LDLRAD4: variants seen among roughly 807,000 people sequenced by gnomAD.
LDLRAD4 encodes low density lipoprotein receptor class A domain containing 4, also known as low-density lipoprotein receptor class A domain-containing protein 4.
In LDLRAD4, 5 loss-of-function variants were observed where a neutral mutation model predicts 17.0. The ratio of observed to expected loss-of-function variants is 0.29; its 90% confidence interval spans 0.15 to 0.62. The LOEUF (loss-of-function observed/expected upper bound fraction) is 0.62. Ranked by LOEUF, LDLRAD4 falls within the 20% of genes least tolerant of loss-of-function variation. LDLRAD4 has a pLI of 0.84. For synonymous variants in LDLRAD4, 168 were observed against 171.8 expected, an observed-to-expected ratio of 0.98 and a Z score of 0.17; for missense variants, 340 against 424.7, an observed-to-expected ratio of 0.80 and a Z score of 1.75.
intron 3 of LDLRAD4, among the ~76,000 whole-genome samples, chr18:13,448,781 C>T (rs1360999777): frequency 6.6e-6 from 1 of 152,050 alleles, no homozygotes. Context: ...CAAAAGGGTA[C>T]TACGGTGAAA....
At chr18:13,427,971 TATTC>T (rs2090070652) in intron 2 of LDLRAD4, among the ~76,000 whole-genome samples, 1 of 152,226 alleles carries the variant, frequency 6.6e-6, no homozygotes, top group Non-Finnish European at 1.5e-5. Flanking sequence ...CTTTTACATC[TATTC>T]ATTGATTTCT....
At chr18:13,256,684 A>G (rs954614772) in intron 1 of LDLRAD4, among the ~76,000 whole-genome samples, 1 of 152,218 alleles carries the variant, frequency 6.6e-6, no homozygotes, top group African/African-American at 2.4e-5. Flanking sequence ...CTGGCACCCC[A>G]TGGATGTTTC....
Position 13,645,555 on chromosome 18 carries a change from C to T in LDLRAD4, c.819C>T (p.Ser273=). Reference sequence around the variant, plus strand: ...CCTCTTTCCTCCATCACCAGCGCAGCAACGCACACAGGGGCAGCAGACTGC... The same window carrying T: ...CCTCTTTCCTCCATCACCAGCGCAGTAACGCACACAGGGGCAGCAGACTGC... Residue 273 remains serine (S), a synonymous_variant, in exon 6 of 6, where the codon AGC becomes AGT. Transcript: ENST00000359446. The surrounding 1 kb of genome is among the most constrained non-coding windows in gnomAD (Gnocchi z 5.7). 6.2e-7 allele frequency: 1 copy of T among 1,609,478 alleles called. No individual in the cohort carries two copies. Among genetic ancestry groups the T allele is most frequent in the Non-Finnish European group, 8.5e-7 (1 of 1,177,846 alleles).
chr18:13,336,734 A>G (rs1020825855), intron 1 of LDLRAD4, among the ~76,000 whole-genome samples: 41 of 149,222 alleles, frequency 2.7e-4, no homozygotes, highest in African/African-American at 8.9e-4. Flanking sequence ...TTTTCTCACT[A>G]TTTTTTCCTT....
rs899647727 is a variant in LDLRAD4, at chr18:13,367,421, T to A, written c.-382-19920T>A. On this transcript the variant is annotated intron_variant, in intron 1 of 5. Transcript: ENST00000359446. The surrounding 1 kb of genome is among the most constrained non-coding windows in gnomAD (Gnocchi z 4.1). The stretch of plus-strand genomic sequence containing the variant: ...GGCGAGGGGGTCTCAGGCATTGAAC[T>A]GCGTGGGGCACTCCATGGGGCAGAA... 6.6e-6 allele frequency among the ~76,000 whole-genome samples: 1 copy of A among 152,108 alleles called. No homozygotes were observed. Among genetic ancestry groups the A allele is most frequent in the Non-Finnish European group, 1.5e-5 (1 of 68,022 alleles).
chr18:13,292,798 C>G (rs538283673), intron 1 of LDLRAD4, among the ~76,000 whole-genome samples: 1 of 152,206 alleles, frequency 6.6e-6, no homozygotes, highest in Non-Finnish European at 1.5e-5. Flanking sequence ...GGGAGATCAA[C>G]ACTCCTGATA....
At chr18:13,603,269 G>A (rs2095184974) in intron 3 of LDLRAD4, among the ~76,000 whole-genome samples, 1 of 152,136 alleles carries the variant, frequency 6.6e-6, no homozygotes, top group African/African-American at 2.4e-5. Context: ...TTTCCTGATG[G>A]TCCACTTAAA....
intron 1 of LDLRAD4, among the ~76,000 whole-genome samples, chr18:13,270,727 C>G (rs1428842060): frequency 6.6e-6 from 1 of 152,178 alleles, no homozygotes; most frequent in Non-Finnish European, 1.5e-5. Flanking sequence ...TCGGCAGGTT[C>G]CACTGGGAGG....
intron 3 of LDLRAD4, among the ~76,000 whole-genome samples, chr18:13,506,928 ACT>A (rs1424247389): frequency 6.6e-6 from 1 of 152,034 alleles, no homozygotes; most frequent in East Asian, 1.9e-4. Flanking sequence ...GCTGACAGTG[ACT>A]CTATACAGGA....
At chr18:13,341,758 C>T (rs1241719967) in intron 1 of LDLRAD4, among the ~76,000 whole-genome samples, 3 of 152,044 alleles carry the variant, frequency 2.0e-5, no homozygotes, top group Non-Finnish European at 2.9e-5. Context: ...ATGGCTAGGA[C>T]GTGTACTGTG....
chr18:13,597,075 A>G (rs2095104694), intron 3 of LDLRAD4, among the ~76,000 whole-genome samples: 1 of 152,168 alleles, frequency 6.6e-6, no homozygotes, highest in African/African-American at 2.4e-5. Flanking sequence ...ACCTAAAGAA[A>G]TTCCTTTTGT....
chr18:13,490,719 A>G (rs888823713), intron 3 of LDLRAD4: 4 of 152,218 alleles, frequency 2.6e-5, no homozygotes, highest in African/African-American at 9.6e-5. Flanking sequence ...AGACGTTTCC[A>G]GGGGAAGTTT....
At chr18:13,577,432 C>T (rs1355701957) in intron 3 of LDLRAD4, among the ~76,000 whole-genome samples, 5 of 152,004 alleles carry the variant, frequency 3.3e-5, no homozygotes, top group Admixed American at 1.3e-4. Context: ...TTTGCTCAGC[C>T]GAGGACAGCT....
chr18:13,396,919 C>T (rs1395064628), intron 2 of LDLRAD4, among the ~76,000 whole-genome samples: 2 of 152,316 alleles, frequency 1.3e-5, no homozygotes, highest in African/African-American at 4.8e-5. Context: ...GAAGAAAATA[C>T]ATTAATAAAT....
intron 3 of LDLRAD4, among the ~76,000 whole-genome samples, chr18:13,564,507 C>T (rs899101751): frequency 6.6e-6 from 1 of 150,930 alleles, no homozygotes; most frequent in Admixed American, 6.6e-5. Flanking sequence ...AGAACCTTTC[C>T]TCGCCTCACC....
intron 3 of LDLRAD4, among the ~76,000 whole-genome samples, chr18:13,580,850 C>T (rs1223362532): frequency 2.6e-5 from 4 of 152,220 alleles, no homozygotes; most frequent in Non-Finnish European, 4.4e-5. Context: ...AAAGCAGCAT[C>T]GCTTAACTAT....
chr18:13,570,390 C>G (rs573196426), intron 3 of LDLRAD4, among the ~76,000 whole-genome samples: 2 of 152,348 alleles, frequency 1.3e-5, no homozygotes, highest in African/African-American at 4.8e-5. Context: ...CCGGTCCACA[C>G]AGGCAGTTAT....
intron 3 of LDLRAD4, among the ~76,000 whole-genome samples, chr18:13,454,407 G>C (rs992651772): frequency 2.0e-5 from 3 of 152,194 alleles, no homozygotes; most frequent in Non-Finnish European, 4.4e-5. Context: ...GGAATTTTGA[G>C]TGTCTGGCTT....
intron 1 of LDLRAD4, among the ~76,000 whole-genome samples, chr18:13,312,609 A>G (rs2047301703): frequency 6.6e-6 from 1 of 152,096 alleles, no homozygotes; most frequent in Non-Finnish European, 1.5e-5. Context: ...TGGTATGATG[A>G]CATGTGTCTG....
Sources: allele counts gnomAD v4.1 joint callset (sites outside exome capture counted in the v4.1 genomes callset), GRCh38; gene constraint gnomAD v4.1.1; non-coding constraint Gnocchi (gnomAD v3.1); transcripts MANE v1.5; gene names NCBI Gene and HGNC (gene_info 2026-07-23, HGNC 2026-07-21).